The following RAB31 variants were observed in gnomAD, a reference collection of about 807,000 sequenced individuals.
RAB31 encodes the protein ras-related protein Rab-31.
RAB31 carries 21 observed loss-of-function variants against 25.6 expected under a neutral mutation model. That is an observed-to-expected ratio of 0.82 (90% CI 0.58 to 1.18). The LOEUF is 1.18. Ranked by LOEUF, RAB31 falls within the 50% of genes most tolerant of loss-of-function variation. The pLI is 0.00. For missense variants in RAB31, 196 were observed against 250.1 expected (o/e 0.78, Z 1.46); for synonymous variants, 87 against 84.0 (o/e 1.04, Z -0.20).
intron 3 of RAB31, among the ~76,000 whole-genome samples, chr18:9,802,743 C>T (rs2068520397): frequency 6.6e-6 from 1 of 152,216 alleles, no homozygotes; most frequent in African/African-American, 2.4e-5. Context: ...GGCTGGGATG[C>T]ACTGGCACAA....
chr18:9,766,919 T>C lies in RAB31; in HGVS notation c.40-8359T>C, dbSNP rs999869900. 1.3e-5 allele frequency among the ~76,000 whole-genome samples: 2 copies of C among 152,190 alleles called. No homozygotes were observed. The highest frequency in any genetic ancestry group is 4.8e-5 in the African/African-American group (2 of 41,442). On this transcript the variant is annotated intron_variant, in intron 1 of 6. Coordinates refer to ENST00000578921, the MANE Select transcript of RAB31 (RefSeq NM_006868.4). The surrounding 1 kb of genome is among the most constrained non-coding windows in gnomAD (Gnocchi z 4.3). The stretch of plus-strand genomic sequence containing the variant: ...TTGCAGTGAGCCGATGTTGTGCCAC[T>C]GTAATCCAGCCTGGGTGACAGAGTG...
chr18:9,820,159 G>T (rs2068617869), intron 5 of RAB31, among the ~76,000 whole-genome samples: 1 of 152,064 alleles, frequency 6.6e-6, no homozygotes, highest in Admixed American at 6.5e-5. Context: ...AAATGCTCCA[G>T]TAAGTATCAC....
intron 6 of RAB31, among the ~76,000 whole-genome samples, chr18:9,850,252 T>C (rs1385963461): frequency 6.6e-6 from 1 of 152,214 alleles, no homozygotes; most frequent in African/African-American, 2.4e-5. Flanking sequence ...TATAGGATTC[T>C]GGATTGTGGT....
Position 9,817,831 on chromosome 18 carries a change from T to C in RAB31, c.380+2609T>C, listed in dbSNP as rs950607842. Among the ~76,000 whole-genome samples, 42 of 152,350 alleles carry C rather than the reference T, an allele frequency of 2.8e-4. 1 individual carries two copies. Among genetic ancestry groups the C allele is most frequent in the African/African-American group, 9.9e-4 (41 of 41,586 alleles). On this transcript the variant is annotated intron_variant, in intron 5 of 6. Coordinates refer to ENST00000578921, the MANE Select transcript of RAB31 (RefSeq NM_006868.4). ...TGTGCAATTTTCATAGTGCCCCAGCTAACATAATCTATTCATCTCACTTCC... is the reference window on the plus strand; with the variant it reads ...TGTGCAATTTTCATAGTGCCCCAGCCAACATAATCTATTCATCTCACTTCC...
intron 5 of RAB31, 79 bp from the exon 6 acceptor site, chr18:9,845,503 C>T (rs2068756755): frequency 1.6e-6 from 2 of 1,277,812 alleles, no homozygotes; most frequent in South Asian, 3.3e-5. Flanking sequence ...TGTTGCCGCA[C>T]AAGCTGTCTG....
chr18:9,809,980 T>C (rs1355520022), intron 3 of RAB31, among the ~76,000 whole-genome samples: 1 of 152,220 alleles, frequency 6.6e-6, no homozygotes, highest in African/African-American at 2.4e-5. Flanking sequence ...AAGAAGGCCG[T>C]TCCCGTCTCC....
chr18:9,797,135 A>T (rs1203470363), intron 3 of RAB31, among the ~76,000 whole-genome samples: 1 of 152,198 alleles, frequency 6.6e-6, no homozygotes, highest in African/African-American at 2.4e-5. Context: ...TCCTCAAATG[A>T]GGTGACCCAT....
chr18:9,820,793 CTCAT>C (rs2068621315), intron 5 of RAB31, among the ~76,000 whole-genome samples: 1 of 151,594 alleles, frequency 6.6e-6, no homozygotes, highest in Non-Finnish European at 1.5e-5. Context: ...CTCTTTTTTT[CTCAT>C]TCAGTCTAGT....
chr18:9,824,430 G>A (rs1400648639), intron 5 of RAB31, among the ~76,000 whole-genome samples: 1 of 151,824 alleles, frequency 6.6e-6, no homozygotes, highest in Non-Finnish European at 1.5e-5. Flanking sequence ...AGATGTGTGT[G>A]TATGAGTGTG....
intron 1 of RAB31, among the ~76,000 whole-genome samples, chr18:9,716,827 C>G (rs1241929069): frequency 1.3e-5 from 2 of 152,120 alleles, no homozygotes; most frequent in South Asian, 2.1e-4. Flanking sequence ...TCATTATAGC[C>G]TCGAACTCCT....
intron 5 of RAB31, among the ~76,000 whole-genome samples, chr18:9,824,383 TGTGTGTGTGTAGATGTATGTGTATATGA>T (rs2068639443): frequency 6.7e-6 from 1 of 149,646 alleles, no homozygotes; most frequent in African/African-American, 2.5e-5. Flanking sequence ...TAGATGTGTA[TGTGTGTGTGTAGATGTATGTGTATATGA>T]GTGTGTGTAG....
At chr18:9,774,726 AAGAG>A (rs2068363190) in intron 1 of RAB31, 3 of 388,866 alleles carry the variant, frequency 7.7e-6, no homozygotes, top group Admixed American at 7.0e-5. Context: ...AGAATTATTT[AAGAG>A]AGAAAGAACT....
rs1024866295 is a variant in RAB31, at chr18:9,803,747, A to C, written c.202-10273A>C. Among the ~76,000 whole-genome samples, 13 of 152,218 alleles carry C rather than the reference A, an allele frequency of 8.5e-5. 1 individual carries two copies. The highest frequency in any genetic ancestry group is 1.9e-4 in the Non-Finnish European group (13 of 68,028). On this transcript the variant is annotated intron_variant, in intron 3 of 6. Transcript: ENST00000578921. The stretch of plus-strand genomic sequence containing the variant: ...TTTGAAAATTGGTGCTGGAAACTAC[A>C]AAAGCAAAGTGTGAGCAGAGGTATT...
intron 1 of RAB31, among the ~76,000 whole-genome samples, chr18:9,769,232 A>G (rs931167111): frequency 9.2e-5 from 14 of 152,214 alleles, no homozygotes; most frequent in Non-Finnish European, 1.9e-4. Flanking sequence ...TTCTGTGAAG[A>G]AAGTCATTGG....
intron 2 of RAB31, among the ~76,000 whole-genome samples, chr18:9,776,512 C>G (rs1020115213): frequency 3.3e-5 from 5 of 152,086 alleles, no homozygotes; most frequent in African/African-American, 9.7e-5. Context: ...TTAAAAATGA[C>G]TTAAAGAAAC....
intron 3 of RAB31, among the ~76,000 whole-genome samples, chr18:9,795,329 G>C (rs1332149082): frequency 6.6e-6 from 1 of 152,114 alleles, no homozygotes; most frequent in South Asian, 2.1e-4. Context: ...CATTGACTTA[G>C]GCAAAGGAAT....
chr18:9,775,191 CCT>C (rs2068365579), intron 1 of RAB31, 85 bp from the exon 2 acceptor site: 1 of 1,593,554 alleles, frequency 6.3e-7, no homozygotes, highest in African/African-American at 1.3e-5. Flanking sequence ...CCAGTCGTGT[CCT>C]CTGGTAATCT....
chr18:9,847,282 G>A (rs1414254948), intron 6 of RAB31, among the ~76,000 whole-genome samples: 1 of 152,220 alleles, frequency 6.6e-6, no homozygotes, highest in Non-Finnish European at 1.5e-5. Flanking sequence ...TTTAATGAAT[G>A]AAGCTAGATA....
chr18:9,756,674 G>T (rs1051151387), intron 1 of RAB31, among the ~76,000 whole-genome samples: 1 of 152,218 alleles, frequency 6.6e-6, no homozygotes, highest in Admixed American at 6.5e-5. Context: ...TGGAGTCTTA[G>T]TGTTGATACG....
Sources: allele counts gnomAD v4.1 joint callset (sites outside exome capture counted in the v4.1 genomes callset), GRCh38; gene constraint gnomAD v4.1.1; non-coding constraint Gnocchi (gnomAD v3.1); transcripts MANE v1.5; gene names NCBI Gene and HGNC (gene_info 2026-07-23, HGNC 2026-07-21).